TBC1D14: variants seen among roughly 807,000 people sequenced by gnomAD.
TBC1D14 encodes the protein TBC1 domain family, member 14.
In TBC1D14, 26 loss-of-function variants were observed where a neutral mutation model predicts 79.0. The ratio of observed to expected loss-of-function variants is 0.33; its 90% CI spans 0.24 to 0.46. The LOEUF is 0.46. Ranked by LOEUF, TBC1D14 falls within the 20% of genes least tolerant of loss-of-function variation. TBC1D14 has a pLI of 1.00. For synonymous variants in TBC1D14, 394 were observed against 349.9 expected, an observed-to-expected ratio of 1.13 and a Z score of -1.40; for missense variants, 769 against 887.6, an observed-to-expected ratio of 0.87 and a Z score of 1.70.
At chr4:6,964,859 A>G (rs1715559863) in intron 2 of TBC1D14, among the ~76,000 whole-genome samples, 2 of 152,190 alleles carry the variant, frequency 1.3e-5, no homozygotes, top group Admixed American at 6.5e-5. Context: ...AACTGCAGAA[A>G]ACCCCCGGAA....
intron 2 of TBC1D14, among the ~76,000 whole-genome samples, chr4:6,924,846 C>A (rs542257163): frequency 6.6e-6 from 1 of 152,068 alleles, no homozygotes; most frequent in African/African-American, 2.4e-5. Context: ...TGGGGTAATA[C>A]GGTGAGAGAA....
chr4:7,008,601 C>G (rs374566188), intron 9 of TBC1D14, among the ~76,000 whole-genome samples: 4 of 152,116 alleles, frequency 2.6e-5, no homozygotes, highest in Admixed American at 6.6e-5. Context: ...TAGGGAGAGA[C>G]GGGTTTTCAC....
intron 2 of TBC1D14, among the ~76,000 whole-genome samples, chr4:6,956,834 G>A (rs3892977): frequency 6.6e-6 from 1 of 152,220 alleles, no homozygotes; most frequent in Admixed American, 6.5e-5. Context: ...TCAGGTGTGG[G>A]GGCCTTCTCA....
At chr4:6,915,802 G>A (rs948552746) in intron 1 of TBC1D14, among the ~76,000 whole-genome samples, 1 of 152,040 alleles carries the variant, frequency 6.6e-6, no homozygotes, top group Non-Finnish European at 1.5e-5. Flanking sequence ...GGAATGAGCT[G>A]TGTGGGCCTG....
At chr4:6,909,763 C>T (rs1325444906), upstream of TBC1D14, 1 of 128,532 alleles carries the variant, frequency 7.8e-6, no homozygotes, top group Non-Finnish European at 1.7e-5. Flanking sequence ...GCCCAGGGGG[C>T]GGGCGAGGGG....
At chr4:6,995,929 T>C (rs902933971) in intron 4 of TBC1D14, among the ~76,000 whole-genome samples, 3 of 151,280 alleles carry the variant, frequency 2.0e-5, no homozygotes, top group Admixed American at 6.6e-5. Context: ...CTCCGCCTCC[T>C]GGGTTCACAC....
intron 3 of TBC1D14, among the ~76,000 whole-genome samples, chr4:6,989,719 C>T (rs989880227): frequency 1.4e-4 from 21 of 152,140 alleles, no homozygotes; most frequent in African/African-American, 4.8e-4. Context: ...CCACATGGCC[C>T]CTTCCCTCTT....
At chr4:7,026,454 A>C (rs1722382306) in intron 13 of TBC1D14, among the ~76,000 whole-genome samples, 1 of 152,246 alleles carries the variant, frequency 6.6e-6, no homozygotes, top group Non-Finnish European at 1.5e-5. Context: ...CAGATGTCAT[A>C]AATGGCTTTA....
chr4:7,011,636 G>A (rs565857267), intron 11 of TBC1D14, among the ~76,000 whole-genome samples: 1 of 151,690 alleles, frequency 6.6e-6, no homozygotes, highest in East Asian at 1.9e-4. Context: ...AGCTCACTAC[G>A]ACCTCCGCTT....
intron 2 of TBC1D14, among the ~76,000 whole-genome samples, chr4:6,949,821 T>C (rs1409702842): frequency 6.6e-6 from 1 of 152,154 alleles, no homozygotes; most frequent in Non-Finnish European, 1.5e-5. Context: ...CTGGATACTG[T>C]TTGGGATGGT....
intron 2 of TBC1D14, among the ~76,000 whole-genome samples, chr4:6,938,547 C>T (rs1424089228): frequency 6.6e-6 from 1 of 152,202 alleles, no homozygotes; most frequent in Non-Finnish European, 1.5e-5. Context: ...CACCAGGCAC[C>T]AGCCTGGCAG....
chr4:6,967,501 C>A, intron 3 of TBC1D14, 77 bp downstream of exon 3: 2 of 1,536,738 alleles, frequency 1.3e-6, no homozygotes, highest in East Asian at 2.3e-5. Flanking sequence ...CAAAAATGAC[C>A]ATATTGAGTC....
At chr4:6,929,989 C>G (rs1711579532) in intron 2 of TBC1D14, among the ~76,000 whole-genome samples, 1 of 152,192 alleles carries the variant, frequency 6.6e-6, no homozygotes, top group Admixed American at 6.5e-5. Context: ...CTAAAAAAGA[C>G]AACACCCTGT....
chr4:6,921,617 C>T (rs945921307), intron 1 of TBC1D14, among the ~76,000 whole-genome samples: 1 of 151,862 alleles, frequency 6.6e-6, no homozygotes, highest in Non-Finnish European at 1.5e-5. Context: ...CCTCCACCTC[C>T]TGGGTTCAAG....
intron 3 of TBC1D14, among the ~76,000 whole-genome samples, chr4:6,984,254 GGTA>G (rs1717627350): frequency 6.6e-6 from 1 of 152,174 alleles, no homozygotes; most frequent in African/African-American, 2.4e-5. Context: ...CCTCTGCAGA[GGTA>G]GTGCTCACAT....
At chr4:6,987,066 G>C (rs903548039) in intron 3 of TBC1D14, 4 of 531,728 alleles carry the variant, frequency 7.5e-6, no homozygotes, top group African/African-American at 4.1e-5. Flanking sequence ...GCCGTACCAC[G>C]GGGACGCCCC....
chr4:6,915,373 C>T lies in TBC1D14; in HGVS notation c.-18+5422C>T, dbSNP rs571102938. Among the ~76,000 whole-genome samples the T allele has an allele frequency of 1.4e-4, 21 of 152,278 alleles. No individual in the cohort carries two copies. In the South Asian group the frequency reaches 3.9e-3, roughly 29 times the overall value. On this transcript the variant is annotated intron_variant, in intron 1 of 13. Transcript: ENST00000409757. ...GGGTAGGGGGTTGGGGGTCACTGCA[C>T]CTGCTCAGCCCAGTTTTGTTATTCC...
At chr4:7,008,082 G>A (rs1720391603) in intron 9 of TBC1D14, among the ~76,000 whole-genome samples, 1 of 152,168 alleles carries the variant, frequency 6.6e-6, no homozygotes, top group African/African-American at 2.4e-5. Context: ...GGCCTAACAG[G>A]GCTGTTGACA....
chr4:6,994,414 C>T (rs1281079413), intron 4 of TBC1D14, 112 bp downstream of exon 4: 12 of 895,374 alleles, frequency 1.3e-5, no homozygotes, highest in Non-Finnish European at 2.2e-5. Context: ...GAAGAGTAAG[C>T]CAGAATCACT....
Sources: gnomAD v4.1 joint callset for allele counts (sites outside exome capture counted in the v4.1 genomes callset) on GRCh38, gnomAD v4.1.1 for gene constraint, MANE v1.5 for transcripts, NCBI Gene and HGNC (gene_info 2026-07-23, HGNC 2026-07-21) for gene names.